The following PDGFB variants were observed in gnomAD, a reference collection of about 807,000 sequenced individuals.
PDGFB encodes the protein platelet derived growth factor subunit B, also known as platelet-derived growth factor subunit B.
In PDGFB, 6 loss-of-function variants were observed where a neutral mutation model predicts 29.0. That is an observed-to-expected ratio of 0.21 (90% CI 0.11 to 0.41). PDGFB has a LOEUF of 0.41. Among genes scored for constraint, PDGFB ranks in the 10% least tolerant of loss-of-function variants. The pLI, the probability that PDGFB is intolerant of heterozygous loss-of-function variation, is 1.00. For synonymous variants in PDGFB, 144 were observed against 140.8 expected (o/e 1.02, Z -0.16); for missense variants, 299 against 341.8 (o/e 0.87, Z 0.99).
chr22:39,228,986 T>G (rs1338733482), intron 5 of PDGFB, among the ~76,000 whole-genome samples: 1 of 151,806 alleles, frequency 6.6e-6, no homozygotes, highest in Non-Finnish European at 1.5e-5. Flanking sequence ...AGTTTGAAGC[T>G]GTCATATGAT....
At chr22:39,230,010 T>C (rs894386340) in intron 5 of PDGFB, 74 bp downstream of exon 5, 3 of 1,539,960 alleles carry the variant, frequency 1.9e-6, no homozygotes, top group African/African-American at 1.4e-5. Flanking sequence ...CCCATTTCCA[T>C]TTTTAAGACC....
rs1932089487 is a variant in PDGFB at position 39,223,416 on chromosome 22, G to A, written c.*1926C>T. On this transcript the variant is annotated 3_prime_UTR_variant, in exon 7 of 7. Transcript: ENST00000331163. ...ACACGCACAAGTCCACGTGTCAGGA[G>A]CTGTGCCAGGACCAAGACCAACAGA... 1 of 152,238 alleles carries A rather than the reference G, an allele frequency of 6.6e-6. No homozygotes were observed. The allele number at this position is 152,238 out of a possible 1,614,324, so 9.4% of individuals were successfully genotyped here.
chr22:39,241,812 T>C (rs1317166133), intron 1 of PDGFB, among the ~76,000 whole-genome samples: 1 of 151,962 alleles, frequency 6.6e-6, no homozygotes, highest in Non-Finnish European at 1.5e-5. Flanking sequence ...TCAGTGCCCC[T>C]CAGAGTCACA....
Position 39,226,840 on chromosome 22 carries a change from T to C in PDGFB, c.602-993A>G, listed in dbSNP as rs182651898. Among the ~76,000 whole-genome samples, 3 of 152,158 alleles carry C rather than the reference T, an allele frequency of 2.0e-5. No homozygotes were observed. The East Asian group carries it at 5.8e-4, about 29-fold the overall frequency. ...CTTGCCACTCTGAGAAATGGTAGAG[T>C]GGGATGGGCCACAACTCAGGCTGAG... On this transcript the variant is annotated intron_variant, in intron 5 of 6. Coordinates refer to ENST00000331163, the MANE Select transcript of PDGFB (RefSeq NM_002608.4).
rs774720279 is a variant in PDGFB at position 39,223,788 on chromosome 22, C to T, written c.*1554G>A. The T allele has an allele frequency of 6.6e-6, 1 of 152,510 alleles. No individual in the cohort carries two copies. The highest frequency in any genetic ancestry group is 2.4e-5 in the African/African-American group (1 of 41,428). 9.4% of individuals were successfully genotyped at this position (152,510 alleles called of 1,614,324 possible). A position where few individuals can be genotyped will look rare whatever the true frequency, so the allele number is the denominator to read the frequency against. On this transcript the variant is annotated 3_prime_UTR_variant, in exon 7 of 7. Transcript: ENST00000331163. ...GGAAAGCCCCCAAAAATATAATCAC[C>T]GACTTTACAAACTGAAGGAAGCAGG...
chr22:39,236,374 G>A (rs980495954), intron 1 of PDGFB, among the ~76,000 whole-genome samples: 19 of 152,194 alleles, frequency 1.2e-4, no homozygotes, highest in African/African-American at 4.6e-4. Context: ...CCAGGCTCCT[G>A]GGTACAAGAG....
In PDGFB at chr22:39,230,414, C is replaced by T. The variant is rs2239768; in HGVS notation, c.457-186G>A. Among the ~76,000 whole-genome samples, 54,647 of 152,148 alleles carry T rather than the reference C, an allele frequency of 0.36. 10,572 individuals are homozygous for T. Among genetic ancestry groups the T allele is most frequent in the Middle Eastern group, 0.49 (145 of 294 alleles). On this transcript the variant is annotated intron_variant, in intron 4 of 6. Coordinates refer to ENST00000331163, the MANE Select transcript of PDGFB (RefSeq NM_002608.4). ...GCAGGACCTTGACCTCTGCCCTTCT[C>T]GTAGCTTTTCCATCAAAACAAGCCC...
At chr22:39,233,290 C>T in intron 3 of PDGFB, 145 bp downstream of exon 3, 1 of 576,840 alleles carries the variant, frequency 1.7e-6, no homozygotes, top group African/African-American at 2.0e-5. Flanking sequence ...TGGTTTTACT[C>T]TCTCAGTTCG....
At chr22:39,235,924 C>G in intron 1 of PDGFB, 50 bp from the exon 2 acceptor site, 2 of 1,262,770 alleles carry the variant, frequency 1.6e-6, no homozygotes, top group Non-Finnish European at 2.3e-6. Context: ...GGGGGCTTTC[C>G]AGCATGGCTG....
At chr22:39,235,316 G>A (rs553173532) in intron 2 of PDGFB, among the ~76,000 whole-genome samples, 7 of 152,164 alleles carry the variant, frequency 4.6e-5, no homozygotes, top group African/African-American at 1.2e-4. Flanking sequence ...GTGTGCCACC[G>A]AGCACGTGCC....
chr22:39,242,598 G>C lies in PDGFB; in HGVS notation c.63+1303C>G, dbSNP rs1932593628. On this transcript the variant is annotated intron_variant, in intron 1 of 6. Transcript: ENST00000331163. This position sits in a 1 kb window ranked among gnomAD's most constrained non-coding sequence, Gnocchi z 5.7. ...GGAAGGGCGGGGCCCCCGGGCGGGCGGCCTGCGGCCCTCGAGGAGCCCCGA... is the reference window on the plus strand; with the variant it reads ...GGAAGGGCGGGGCCCCCGGGCGGGCCGCCTGCGGCCCTCGAGGAGCCCCGA... Among the ~76,000 whole-genome samples, 1 of 151,444 alleles carries C rather than the reference G, an allele frequency of 6.6e-6. No individual in the cohort carries two copies. Among genetic ancestry groups the C allele is most frequent in the Admixed American group, 6.6e-5 (1 of 15,200 alleles).
At position 39,224,409 on chromosome 22, in the gene PDGFB, C is replaced by T. The variant is rs1385715605; in HGVS notation, c.*933G>A. The T allele has an allele frequency of 1.3e-5, 2 of 152,622 alleles. No individual in the cohort carries two copies. Among genetic ancestry groups the T allele is most frequent in the East Asian group, 3.8e-4 (2 of 5,304 alleles). The allele number at this position is 152,622 out of a possible 1,614,324, so 9.5% of individuals were successfully genotyped here. ...GGGTTGGAATATGATGAGCAGGTCC[C>T]TTGCTGCCCTGGCCTCTAGTCTTCT... On this transcript the variant is annotated 3_prime_UTR_variant, in exon 7 of 7. Transcript: ENST00000331163.
intron 1 of PDGFB, among the ~76,000 whole-genome samples, chr22:39,237,191 G>A (rs1374500966): frequency 6.6e-6 from 1 of 151,604 alleles, no homozygotes; most frequent in Non-Finnish European, 1.5e-5. Flanking sequence ...CTCCCCGAAA[G>A]CTCTGTTTCC....
rs1032289239 is a variant in PDGFB at position 39,244,243 on chromosome 22, C to T, written c.-280G>A. ...CCGAGCCCGAGTGAGCATCCACGGC[C>T]GGGGGGCTGCGTCGCGAACCAGCCG... On this transcript the variant is annotated 5_prime_UTR_variant, in exon 1 of 7. Transcript: ENST00000331163. This position sits in a 1 kb window ranked among gnomAD's most constrained non-coding sequence, Gnocchi z 4.5. 4.2e-6 allele frequency: 1 copy of T among 239,668 alleles called. No individual in the cohort carries two copies. The highest frequency in any genetic ancestry group is 8.1e-6 in the Non-Finnish European group (1 of 123,932). 14.8% of individuals were successfully genotyped at this position (239,668 alleles called of 1,614,324 possible).
At position 39,230,066 on chromosome 22, in the gene PDGFB, G is replaced by A. The variant is rs755296413; in HGVS notation, c.601+18C>T. ...GCAGGGGAAGGGGGCTGAGGGCTGA[G>A]CCTGGAAAGGTGGTTACCTCGCTGC... On this transcript the variant is annotated intron_variant, in intron 5 of 6. Coordinates refer to ENST00000331163, the MANE Select transcript of PDGFB (RefSeq NM_002608.4). The A allele has an allele frequency of 5.0e-6, 8 of 1,612,526 alleles. No individual in the cohort carries two copies. The South Asian group carries it at 7.7e-5, about 15-fold the overall frequency.
At chr22:39,240,759 A>G (rs1017769619) in intron 1 of PDGFB, 1 of 1,394,184 alleles carries the variant, frequency 7.2e-7, no homozygotes, top group Non-Finnish European at 1.0e-6. Flanking sequence ...GAAAGCAGGT[A>G]ATAAACAATG....
At chr22:39,237,042 G>A (rs769042590) in intron 1 of PDGFB, among the ~76,000 whole-genome samples, 2 of 152,124 alleles carry the variant, frequency 1.3e-5, no homozygotes, top group Non-Finnish European at 2.9e-5. Context: ...TCCCGGAGCC[G>A]AAGGTCGGGG....
chr22:39,241,007 G>T, intron 1 of PDGFB: 1 of 960,954 alleles, frequency 1.0e-6, no homozygotes, highest in Non-Finnish European at 1.6e-6. Flanking sequence ...ACCTGCCCTT[G>T]CACACCTCCA....
intron 1 of PDGFB, chr22:39,241,276 G>C: frequency 4.9e-6 from 2 of 412,028 alleles, no homozygotes; most frequent in East Asian, 4.1e-5. Flanking sequence ...AGATTAGTCC[G>C]AGCACGACCA....
Sources: allele counts gnomAD v4.1 joint callset (sites outside exome capture counted in the v4.1 genomes callset), GRCh38; gene constraint gnomAD v4.1.1; non-coding constraint Gnocchi (gnomAD v3.1); transcripts MANE v1.5; gene names NCBI Gene and HGNC (gene_info 2026-07-23, HGNC 2026-07-21).